SATL1: variants seen among roughly 807,000 people sequenced by gnomAD.
SATL1 encodes spermidine/spermine N(1)-acetyltransferase-like protein 1.
Under a neutral mutation model 51.8 loss-of-function variants are expected in SATL1, and 47 were observed. The observed-to-expected ratio is 0.91, with a 90% CI of 0.72 to 1.16. SATL1 has a LOEUF of 1.16. Ranked by LOEUF, SATL1 falls within the 50% of genes most tolerant of loss-of-function variation. The probability of loss-of-function intolerance (pLI) is 0.00; values close to 1 mark genes in which losing one functional copy is unlikely to be tolerated. For missense variants in SATL1, 520 were observed against 526.4 expected, an observed-to-expected ratio of 0.99 and a Z score of 0.12; for synonymous variants, 176 against 182.4, an observed-to-expected ratio of 0.97 and a Z score of 0.28.
intron 2 of SATL1, among the ~76,000 whole-genome samples, chrX:85,116,526 C>T (rs551073584): frequency 9.0e-6 from 1 of 111,627 alleles, no homozygotes. Context: ...GAATCCTATG[C>T]ATGCTCACTT....
chrX:85,176,714 T>G (rs1218570883), intron 2 of SATL1, among the ~76,000 whole-genome samples: 1 of 111,346 alleles, frequency 9.0e-6, no homozygotes, highest in Non-Finnish European at 1.9e-5. Context: ...ACCGTAAAAT[T>G]GATTGCTGTT....
intron 2 of SATL1, among the ~76,000 whole-genome samples, chrX:85,150,434 A>C (rs1221615615): frequency 1.8e-5 from 2 of 109,197 alleles, no homozygotes; most frequent in African/African-American, 6.7e-5. Context: ...CAATCAATAG[A>C]AAAAGAGGGA....
intron 2 of SATL1, among the ~76,000 whole-genome samples, chrX:85,121,195 A>T (rs1925495841): frequency 9.2e-6 from 1 of 108,877 alleles, no homozygotes; most frequent in South Asian, 3.8e-4. Context: ...AGATGAAAAA[A>T]TGTATAAGAA....
chrX:85,136,426 G>A (rs1925956127), intron 2 of SATL1, among the ~76,000 whole-genome samples: 1 of 111,828 alleles, frequency 8.9e-6, no homozygotes, highest in Non-Finnish European at 1.9e-5. Context: ...TGGAATAAAT[G>A]GAAGAAGAAG....
intron 2 of SATL1, chrX:85,211,585 TG>T (rs2147755909): frequency 8.9e-6 from 1 of 111,745 alleles, no homozygotes; most frequent in African/African-American, 3.2e-5. Context: ...TAGAGATACG[TG>T]TTTTTCAAAC....
intron 2 of SATL1, among the ~76,000 whole-genome samples, chrX:85,190,959 GGGCCTGTCGT>G (rs1430146882): frequency 3.0e-5 from 3 of 99,085 alleles, no homozygotes; most frequent in Admixed American, 1.1e-4. Flanking sequence ...AGACACCGTG[GGGCCTGTCGT>G]GGTGTAGGGG....
chrX:85,234,008 T>A (rs922353916), intron 1 of SATL1, among the ~76,000 whole-genome samples: 2 of 110,964 alleles, frequency 1.8e-5, no homozygotes, highest in Non-Finnish European at 3.8e-5. Context: ...ATAATCAAAT[T>A]TCCAAAGGTC....
intron 2 of SATL1, among the ~76,000 whole-genome samples, chrX:85,136,023 G>C (rs990801461): frequency 2.7e-5 from 3 of 110,432 alleles, no homozygotes; most frequent in African/African-American, 9.9e-5. Flanking sequence ...CACAATTCAA[G>C]AGTTATTTAG....
chrX:85,196,195 T>C (rs1927557703), intron 2 of SATL1, among the ~76,000 whole-genome samples: 1 of 111,278 alleles, frequency 9.0e-6, no homozygotes, highest in South Asian at 3.8e-4. Context: ...TTTACAATGG[T>C]ATCAAAATGA....
At chrX:85,235,108 C>G (rs753604480) in intron 1 of SATL1, among the ~76,000 whole-genome samples, 2 of 110,945 alleles carry the variant, frequency 1.8e-5, no homozygotes, top group South Asian at 7.5e-4. Context: ...AAGACAAAAA[C>G]TATAAAAAGA....
At chrX:85,141,918 G>A (rs1176837981) in intron 2 of SATL1, among the ~76,000 whole-genome samples, 1 of 106,345 alleles carries the variant, frequency 9.4e-6, no homozygotes, top group Non-Finnish European at 1.9e-5. Flanking sequence ...AAAAATGCCT[G>A]TTTTCCAAAA....
In SATL1 at chrX:85,104,160, T is replaced by A. The variant is rs901394746; in HGVS notation, c.1642-245A>T. On this transcript the variant is annotated intron_variant, in intron 3 of 7. Coordinates refer to ENST00000644105, the MANE Select transcript of SATL1 (RefSeq NM_001367857.2). Reference sequence around the variant, plus strand: ...ATACCTCACACATATGAATGTTAATTATCCAGATTAGTAACCTTGAATGCA... The same window carrying A: ...ATACCTCACACATATGAATGTTAATAATCCAGATTAGTAACCTTGAATGCA... Among the ~76,000 whole-genome samples, 3 of 111,428 alleles carry A rather than the reference T, an allele frequency of 2.7e-5. No homozygotes were observed. In the Admixed American group the frequency reaches 2.9e-4, roughly 11 times the overall value.
chrX:85,134,314 T>C (rs1024196127), intron 2 of SATL1, among the ~76,000 whole-genome samples: 4 of 111,045 alleles, frequency 3.6e-5, no homozygotes, highest in Non-Finnish European at 7.6e-5. Context: ...GTCTGACTCA[T>C]GAGAAAGGGA....
intron 2 of SATL1, among the ~76,000 whole-genome samples, chrX:85,123,359 T>G (rs1161192874): frequency 9.0e-6 from 1 of 111,230 alleles, no homozygotes; most frequent in Non-Finnish European, 1.9e-5. Context: ...CCATTCTGAC[T>G]GGTGTGAGAT....
At chrX:85,152,110 A>G (rs1157279983) in intron 2 of SATL1, among the ~76,000 whole-genome samples, 5 of 111,521 alleles carry the variant, frequency 4.5e-5, no homozygotes, top group Non-Finnish European at 7.5e-5. Flanking sequence ...GAACTCAAAC[A>G]AATTTACAAG....
intron 2 of SATL1, among the ~76,000 whole-genome samples, chrX:85,223,169 A>G (rs1928207678): frequency 9.0e-6 from 1 of 111,727 alleles, no homozygotes; most frequent in Admixed American, 9.5e-5. Flanking sequence ...TGACTGGCCT[A>G]GTAGTATGTG....
intron 2 of SATL1, chrX:85,156,254 A>G (rs1365760794): frequency 1.8e-5 from 2 of 111,725 alleles, no homozygotes; most frequent in Non-Finnish European, 3.8e-5. Flanking sequence ...TTTATCAAAG[A>G]AAAAGATTTA....
chrX:85,139,927 A>G (rs1217453955), intron 2 of SATL1, among the ~76,000 whole-genome samples: 3 of 111,634 alleles, frequency 2.7e-5, no homozygotes, highest in African/African-American at 9.8e-5. Context: ...GAGCAAGCCC[A>G]TGTAACTAGT....
Position 85,135,988 on chromosome X carries a change from C to A in SATL1, c.-312-26708G>T. 2.7e-5 allele frequency among the ~76,000 whole-genome samples: 3 copies of A among 109,921 alleles called. 1 individual carries two copies. In the Middle Eastern group the frequency reaches 0.014, roughly 514 times the overall value. Reference sequence around the variant, plus strand: ...ATAATAATGAGTTCCTGAAATAAAGCAGTAGAGGTAGGGAAGAAAAAGGAC... The same window carrying A: ...ATAATAATGAGTTCCTGAAATAAAGAAGTAGAGGTAGGGAAGAAAAAGGAC... On this transcript the variant is annotated intron_variant, in intron 2 of 7. Coordinates refer to ENST00000644105, the MANE Select transcript of SATL1 (RefSeq NM_001367857.2).
Sources: gnomAD v4.1 joint callset for allele counts (sites outside exome capture counted in the v4.1 genomes callset) on GRCh38, gnomAD v4.1.1 for gene constraint, MANE v1.5 for transcripts, NCBI Gene and HGNC (gene_info 2026-07-23, HGNC 2026-07-21) for gene names.